Variants in C8orf89 observed in about 807,000 individuals in gnomAD.
The protein encoded by C8orf89 is putative uncharacterized protein C8orf89.
In C8orf89, 14 loss-of-function variants were observed where a neutral mutation model predicts 15.8. The observed-to-expected ratio is 0.89, with a 90% CI of 0.59 to 1.39. C8orf89 has a LOEUF of 1.39. Ranked by LOEUF, C8orf89 falls within the 40% of genes most tolerant of loss-of-function variation. The probability of loss-of-function intolerance (pLI) is 0.00; values close to 1 mark genes in which losing one functional copy is unlikely to be tolerated. For synonymous variants in C8orf89, 55 were observed against 62.2 expected (o/e 0.88, Z 0.54); for missense variants, 181 against 184.5 (o/e 0.98, Z 0.11).
chr8:73,250,104 T>A lies in C8orf89; in HGVS notation c.337+164A>T, dbSNP rs973928562. 1.5e-4 allele frequency among the ~76,000 whole-genome samples: 23 copies of A among 152,112 alleles called. 1 individual carries two copies. Among genetic ancestry groups the A allele is most frequent in the African/African-American group, 5.6e-4 (23 of 41,428 alleles). Reference sequence around the variant, plus strand: ...TCCTGAAATTATAAAAGTATGTTTATAATGAACCCAACATCCACTTAGTTT... The same window carrying A: ...TCCTGAAATTATAAAAGTATGTTTAAAATGAACCCAACATCCACTTAGTTT... On this transcript the variant is annotated intron_variant, in intron 3 of 3. Transcript: ENST00000624510.
the C8orf89 span, among the ~76,000 whole-genome samples, chr8:73,265,083 A>G: frequency 7.6e-6 from 1 of 132,234 alleles, no homozygotes; most frequent in Non-Finnish European, 1.6e-5. Context: ...CTTCTTGAGG[A>G]AAAAAAAAAG....
the C8orf89 span, among the ~76,000 whole-genome samples, chr8:73,276,178 C>CTTTTTTTTT: frequency 1.5e-5 from 2 of 131,660 alleles, 1 homozygote; most frequent in African/African-American, 5.7e-5. Context: ...ATTTCTGATG[C>CTTTTTTTTT]TTTTTTTTTT....
At chr8:73,254,512 C>T (rs1349448976) in intron 2 of C8orf89, among the ~76,000 whole-genome samples, 1 of 152,144 alleles carries the variant, frequency 6.6e-6, no homozygotes, top group African/African-American at 2.4e-5. Flanking sequence ...CCTCTATTCC[C>T]AGGAGGTCAC....
At chr8:73,241,681 G>T in intron 3 of C8orf89, 76 bp from the exon 4 acceptor site, 1 of 1,167,414 alleles carries the variant, frequency 8.6e-7, no homozygotes, top group South Asian at 2.2e-5. Context: ...AATATAATGT[G>T]ACTGAAATAT....
At chr8:73,285,089 C>G in the C8orf89 span, among the ~76,000 whole-genome samples, 5 of 152,246 alleles carry the variant, frequency 3.3e-5, no homozygotes, top group African/African-American at 1.2e-4. Flanking sequence ...AAATTGGCAA[C>G]AGAAAGAGGG....
upstream of C8orf89, among the ~76,000 whole-genome samples, chr8:73,261,604 A>T (rs767019463): frequency 1.3e-5 from 2 of 152,220 alleles, no homozygotes; most frequent in Non-Finnish European, 2.9e-5. Flanking sequence ...GTGAGAAATT[A>T]GTTAAAAATA....
the C8orf89 span, among the ~76,000 whole-genome samples, chr8:73,266,208 C>T: frequency 6.6e-6 from 1 of 152,180 alleles, no homozygotes; most frequent in South Asian, 2.1e-4. Flanking sequence ...GAGTGAAAAC[C>T]TTCGGCCACC....
chr8:73,263,846 CT>C (rs1243579644), upstream of C8orf89, among the ~76,000 whole-genome samples: 1 of 152,174 alleles, frequency 6.6e-6, no homozygotes, highest in Non-Finnish European at 1.5e-5. Context: ...TATAAAGTCA[CT>C]GTGAACACTG....
At chr8:73,250,520 T>C (rs1274764196) in intron 2 of C8orf89, among the ~76,000 whole-genome samples, 197 bp from the exon 3 acceptor site, 11 of 152,210 alleles carry the variant, frequency 7.2e-5, no homozygotes, top group African/African-American at 2.7e-4. Context: ...GGCTGAGTGC[T>C]AGGTCTAACT....
chr8:73,265,677 T>C, the C8orf89 span, among the ~76,000 whole-genome samples: 3 of 152,194 alleles, frequency 2.0e-5, no homozygotes, highest in Non-Finnish European at 4.4e-5. Context: ...GAATCCTAAA[T>C]CTATATCTTC....
At chr8:73,263,004 C>T (rs1046596214), upstream of C8orf89, among the ~76,000 whole-genome samples, 7 of 151,694 alleles carry the variant, frequency 4.6e-5, no homozygotes, top group African/African-American at 1.5e-4. Context: ...AATAAAAAGG[C>T]TATTTAAAAC....
the C8orf89 span, among the ~76,000 whole-genome samples, chr8:73,284,824 A>C: frequency 6.6e-6 from 1 of 152,220 alleles, no homozygotes; most frequent in Non-Finnish European, 1.5e-5. Context: ...GTACATAACA[A>C]GTCAATAAAG....
chr8:73,262,149 C>T (rs1313531896), upstream of C8orf89, among the ~76,000 whole-genome samples: 2 of 152,150 alleles, frequency 1.3e-5, no homozygotes, highest in African/African-American at 2.4e-5. Flanking sequence ...CTCAGAATCA[C>T]GATCCAGACT....
At chr8:73,266,527 C>T in the C8orf89 span, among the ~76,000 whole-genome samples, 1 of 152,318 alleles carries the variant, frequency 6.6e-6, no homozygotes, top group African/African-American at 2.4e-5. Flanking sequence ...TACTGCTCTA[C>T]CTCCCTGAAC....
the C8orf89 span, among the ~76,000 whole-genome samples, chr8:73,282,360 T>C: frequency 6.6e-6 from 1 of 152,184 alleles, no homozygotes; most frequent in African/African-American, 2.4e-5. Flanking sequence ...GAGGGAGATA[T>C]TACTTTCGGG....
At chr8:73,258,430 A>G (rs1313136298) in intron 1 of C8orf89, among the ~76,000 whole-genome samples, 4 of 145,136 alleles carry the variant, frequency 2.8e-5, no homozygotes, top group Non-Finnish European at 6.0e-5. Flanking sequence ...AAAAAAAAAA[A>G]AGAATTATTT....
At chr8:73,241,992 T>C (rs1373423387) in intron 3 of C8orf89, among the ~76,000 whole-genome samples, 3 of 151,616 alleles carry the variant, frequency 2.0e-5, no homozygotes, top group African/African-American at 4.8e-5. Flanking sequence ...TAAAAAAAAA[T>C]CGAAATGGAT....
At chr8:73,255,660 G>A (rs1465095719) in intron 2 of C8orf89, among the ~76,000 whole-genome samples, 2 of 148,668 alleles carry the variant, frequency 1.3e-5, no homozygotes, top group Admixed American at 6.7e-5. Context: ...ACATGCACAC[G>A]TATGTTTATT....
the C8orf89 span, among the ~76,000 whole-genome samples, chr8:73,272,662 T>A: frequency 6.6e-6 from 1 of 151,960 alleles, no homozygotes; most frequent in Non-Finnish European, 1.5e-5. Flanking sequence ...TGTCCAAGTG[T>A]TCTCATTGTT....
Sources: allele counts gnomAD v4.1 joint callset (sites outside exome capture counted in the v4.1 genomes callset), GRCh38; gene constraint gnomAD v4.1.1; transcripts MANE v1.5; gene names NCBI Gene and HGNC (gene_info 2026-07-23, HGNC 2026-07-21).